The following HBS1L variants were observed in gnomAD, a reference collection of about 807,000 sequenced individuals.
HBS1L encodes HBS1 like translational GTPase, also known as HBS1-like protein.
HBS1L carries 55 observed loss-of-function variants against 88.9 expected under a neutral mutation model. The observed-to-expected ratio is 0.62, with a 90% CI of 0.50 to 0.77. The LOEUF (loss-of-function observed/expected upper bound fraction) is 0.77. Among genes scored for constraint, HBS1L ranks in the 30% least tolerant of loss-of-function variants. The probability of loss-of-function intolerance (pLI) is 0.00; values close to 1 mark genes in which losing one functional copy is unlikely to be tolerated. For missense variants in HBS1L, 741 were observed against 829.3 expected (o/e 0.89, Z 1.31); for synonymous variants, 267 against 288.5 (o/e 0.93, Z 0.76).
exon 1 of HBS1L, chr6:135,054,815 TCTGCGCCGAGCGC>T (rs1777200772): frequency 2.5e-6 from 3 of 1,220,130 alleles, no homozygotes; most frequent in East Asian, 5.1e-5. Context: ...CCCGCAGGCC[TCTGCGCCGAGCGC>T]CTGCGCAAGC....
At chr6:135,029,533 T>C (rs1158551431) in intron 4 of HBS1L, among the ~76,000 whole-genome samples, 3 of 152,046 alleles carry the variant, frequency 2.0e-5, no homozygotes, top group African/African-American at 7.2e-5. Flanking sequence ...AATTATCAGG[T>C]TGGTATAATA....
At chr6:134,968,031 G>T (rs1774366945) in intron 16 of HBS1L, among the ~76,000 whole-genome samples, 2 of 152,250 alleles carry the variant, frequency 1.3e-5, no homozygotes, top group East Asian at 1.9e-4. Flanking sequence ...CAAGGGTTTA[G>T]AGCAATGTGA....
At chr6:135,032,009 C>T (rs1432976737) in intron 4 of HBS1L, among the ~76,000 whole-genome samples, 1 of 151,652 alleles carries the variant, frequency 6.6e-6, no homozygotes, top group Non-Finnish European at 1.5e-5. Context: ...TCTGCAATTA[C>T]ATCACCAATA....
chr6:135,019,605 C>G (rs1334759492), intron 4 of HBS1L, among the ~76,000 whole-genome samples: 1 of 151,878 alleles, frequency 6.6e-6, no homozygotes, highest in Non-Finnish European at 1.5e-5. Context: ...TAGTCTTCAA[C>G]TTCTTTAATA....
Position 134,963,102 on chromosome 6 carries a change from G to C in HBS1L, c.*2177C>G, listed in dbSNP as rs545515220. The stretch of plus-strand genomic sequence containing the variant: ...CGATCACAGTCTTATATAATATACA[G>C]AGTGGATGGTTTCTTGTTTTTACTC... On this transcript the variant is annotated 3_prime_UTR_variant, in exon 18 of 18. Coordinates refer to ENST00000367837, the MANE Select transcript of HBS1L (RefSeq NM_006620.4). 16 of 152,206 alleles carry C rather than the reference G, an allele frequency of 1.1e-4. No homozygotes were observed. Among genetic ancestry groups the C allele is most frequent in the African/African-American group, 3.4e-4 (14 of 41,528 alleles). The allele number at this position is 152,206 out of a possible 1,614,324, so 9.4% of individuals were successfully genotyped here. A position where few individuals can be genotyped will look rare whatever the true frequency, so the allele number is the denominator to read the frequency against.
At chr6:135,003,470 G>C (rs1775521649) in intron 4 of HBS1L, among the ~76,000 whole-genome samples, 2 of 151,770 alleles carry the variant, frequency 1.3e-5, no homozygotes, top group Non-Finnish European at 1.5e-5. Flanking sequence ...GAGAGGCTAA[G>C]GTGAGAGAAT....
At chr6:134,966,670 G>C (rs910395957) in intron 16 of HBS1L, among the ~76,000 whole-genome samples, 197 bp from the exon 17 acceptor site, 4 of 147,448 alleles carry the variant, frequency 2.7e-5, no homozygotes, top group Admixed American at 1.3e-4. Context: ...AGTAATTCTA[G>C]ATTTAAGAAA....
intron 12 of HBS1L, chr6:134,983,082 C>T (rs987172600): frequency 6.6e-6 from 1 of 152,382 alleles, no homozygotes; most frequent in African/African-American, 2.4e-5. Flanking sequence ...AAGGAAGACA[C>T]TGCTGCCCCA....
Position 135,039,630 on chromosome 6 carries a change from C to G in HBS1L, c.373G>C (p.Val125Leu). ...ALSGVLEQDRVQSLKDKNEAT... is the reference protein window; with the variant it reads ...ALSGVLEQDRLQSLKDKNEAT... ...TCATTCTTGTCCTTCAAACTCTGCA[C>G]TCTATCTTGTTCCAGAACCCCTGAC... Residue 125 changes from valine to leucine, a missense_variant, in exon 4 of 18, where the codon GTG (valine) becomes CTG (leucine). Val to Leu is a conservative substitution (Grantham distance 32). This residue lies in a region of HBS1L where 556 missense variants were observed against 598.4 expected (regional missense o/e 0.93). Coordinates refer to ENST00000367837, the MANE Select transcript of HBS1L (RefSeq NM_006620.4). 6.2e-7 allele frequency: 1 copy of G among 1,614,174 alleles called. No individual in the cohort carries two copies. Among genetic ancestry groups the G allele is most frequent in the Non-Finnish European group, 8.5e-7 (1 of 1,180,018 alleles).
At chr6:135,026,437 TAAAAAC>T (rs1038743807) in intron 4 of HBS1L, among the ~76,000 whole-genome samples, 13 of 151,986 alleles carry the variant, frequency 8.6e-5, no homozygotes, top group African/African-American at 3.1e-4. Context: ...CACACAAAGA[TAAAAAC>T]AAACACAAAT....
At chr6:134,979,332 C>G (rs764731432) in intron 13 of HBS1L, 64 bp from the exon 14 acceptor site, 4 of 1,199,860 alleles carry the variant, frequency 3.3e-6, no homozygotes, top group African/African-American at 3.0e-5. Flanking sequence ...TAACAACCAA[C>G]AGAGTTTGGC....
At chr6:135,037,931 C>G in intron 4 of HBS1L, 2 of 1,550,778 alleles carry the variant, frequency 1.3e-6, no homozygotes, top group Non-Finnish European at 1.7e-6. Flanking sequence ...CTAGCAAAAT[C>G]AAAGGGTTTG....
chr6:135,045,642 C>G (rs1037719038), intron 2 of HBS1L, among the ~76,000 whole-genome samples: 1 of 152,118 alleles, frequency 6.6e-6, no homozygotes, highest in Non-Finnish European at 1.5e-5. Context: ...TCAAGACCAG[C>G]CTGGCCAACA....
At chr6:135,027,823 A>C (rs1776277648) in intron 4 of HBS1L, among the ~76,000 whole-genome samples, 4 of 151,226 alleles carry the variant, frequency 2.6e-5, no homozygotes, top group Admixed American at 2.6e-4. Flanking sequence ...GCTGGAGTGC[A>C]TTAGCACAAT....
At chr6:135,028,127 G>A (rs1329062276) in intron 4 of HBS1L, among the ~76,000 whole-genome samples, 3 of 151,764 alleles carry the variant, frequency 2.0e-5, no homozygotes, top group African/African-American at 7.3e-5. Flanking sequence ...CAGAAGGGTA[G>A]GAAATGAAAA....
chr6:135,027,473 T>C (rs78456295), intron 4 of HBS1L, among the ~76,000 whole-genome samples: 2,856 of 152,184 alleles, frequency 0.019, 39 homozygotes, highest in Non-Finnish European at 0.03. Context: ...ATTAAAATTG[T>C]GGATTATCCA....
intron 12 of HBS1L, 47 bp downstream of exon 12, chr6:134,985,294 G>A (rs1474386394): frequency 8.0e-7 from 1 of 1,252,088 alleles, no homozygotes; most frequent in African/African-American, 1.5e-5. Flanking sequence ...AGGAGGGAAT[G>A]GGGAAAAGGG....
intron 6 of HBS1L, 127 bp downstream of exon 6, chr6:134,997,270 G>A (rs1043534719): frequency 2.7e-6 from 3 of 1,093,012 alleles, no homozygotes; most frequent in Non-Finnish European, 4.0e-6. Context: ...AAAGCATTAT[G>A]AGACTGTGCC....
chr6:134,968,446 G>A (rs1396199621), intron 16 of HBS1L, among the ~76,000 whole-genome samples: 5 of 151,830 alleles, frequency 3.3e-5, no homozygotes, highest in East Asian at 1.9e-4. Flanking sequence ...ACGGGGTTTC[G>A]CCATGTTGGC....
Sources: gnomAD v4.1 joint callset for allele counts (sites outside exome capture counted in the v4.1 genomes callset) on GRCh38, gnomAD v4.1.1 for gene constraint, gnomAD v4.1.1 regional missense constraint, MANE v1.5 for transcripts, NCBI Gene and HGNC (gene_info 2026-07-23, HGNC 2026-07-21) for gene names.